CAMK1D: variants seen among roughly 807,000 people sequenced by gnomAD.
The protein encoded by CAMK1D is calcium/calmodulin-dependent protein kinase type 1D.
In CAMK1D, 9 loss-of-function variants were observed where a neutral mutation model predicts 47.7. The observed-to-expected ratio is 0.19, with a 90% CI of 0.11 to 0.33. The LOEUF (loss-of-function observed/expected upper bound fraction) is 0.33, where lower values mean the gene tolerates loss of function less well. Ranked by LOEUF, CAMK1D falls within the 10% of genes least tolerant of loss-of-function variation. The pLI is 1.00. For synonymous variants in CAMK1D, 184 were observed against 184.9 expected (o/e 0.99, Z 0.04); for missense variants, 291 against 488.7 (o/e 0.60, Z 3.81).
chr10:12,476,066 G>C (rs558501847), intron 1 of CAMK1D, among the ~76,000 whole-genome samples: 2 of 152,126 alleles, frequency 1.3e-5, no homozygotes, highest in Non-Finnish European at 2.9e-5. Flanking sequence ...GCCGAGGGGG[G>C]GCGGATCACG....
intron 2 of CAMK1D, among the ~76,000 whole-genome samples, chr10:12,655,499 C>G (rs979457895): frequency 7.2e-5 from 11 of 152,172 alleles, no homozygotes; most frequent in African/African-American, 2.7e-4. Flanking sequence ...ATCTTAGAAC[C>G]TTTTTTCATT....
rs549833661 is a variant in CAMK1D at position 12,588,819 on chromosome 10, T to C, written c.224+35463T>C. Among the ~76,000 whole-genome samples the C allele has an allele frequency of 3.9e-3, 586 of 150,768 alleles. 5 individuals carry two copies. Among genetic ancestry groups the C allele is most frequent in the African/African-American group, 0.013 (519 of 40,752 alleles). On this transcript the variant is annotated intron_variant, in intron 2 of 10. Transcript: ENST00000619168. Reference sequence around the variant, plus strand: ...ACACACACACACACACATACACACATGCACATACATATATATGTGCTTGTA... The same window carrying C: ...ACACACACACACACACATACACACACGCACATACATATATATGTGCTTGTA...
At chr10:12,666,696 A>G (rs765008535) in intron 2 of CAMK1D, 40 bp from the exon 3 acceptor site, 3 of 1,487,454 alleles carry the variant, frequency 2.0e-6, no homozygotes, top group Non-Finnish European at 2.8e-6. Flanking sequence ...TTTCCTATCT[A>G]ATCATACTCA....
At chr10:12,657,437 A>C (rs1419713616) in intron 2 of CAMK1D, among the ~76,000 whole-genome samples, 1 of 151,646 alleles carries the variant, frequency 6.6e-6, no homozygotes, top group Non-Finnish European at 1.5e-5. Flanking sequence ...AAAATAAATA[A>C]ATAAATAAAT....
chr10:12,494,491 C>T (rs11257830), intron 1 of CAMK1D, among the ~76,000 whole-genome samples: 6,725 of 152,232 alleles, frequency 0.044, 456 homozygotes, highest in East Asian at 0.34. Flanking sequence ...CCCAACCCTG[C>T]ATTTCAGTTT....
At chr10:12,531,345 A>T (rs973205248) in intron 1 of CAMK1D, among the ~76,000 whole-genome samples, 5 of 152,198 alleles carry the variant, frequency 3.3e-5, no homozygotes, top group African/African-American at 1.2e-4. Context: ...CCCAGAGTGC[A>T]TTCATCCCCC....
chr10:12,495,313 T>C (rs1306636859), intron 1 of CAMK1D, among the ~76,000 whole-genome samples: 1 of 152,114 alleles, frequency 6.6e-6, no homozygotes, highest in African/African-American at 2.4e-5. Context: ...TTCTAATGAG[T>C]GTGTGTGCAA....
At chr10:12,355,692 C>T (rs1837490053) in intron 1 of CAMK1D, among the ~76,000 whole-genome samples, 1 of 152,136 alleles carries the variant, frequency 6.6e-6, no homozygotes. Flanking sequence ...CTGCAGTCTT[C>T]TTTAGATGTT....
chr10:12,716,534 G>A (rs1331493007), intron 3 of CAMK1D, among the ~76,000 whole-genome samples: 1 of 152,114 alleles, frequency 6.6e-6, no homozygotes, highest in African/African-American at 2.4e-5. Flanking sequence ...GAATGAAAAT[G>A]CATTTGGTTC....
At chr10:12,729,346 T>A (rs1017898782) in intron 3 of CAMK1D, among the ~76,000 whole-genome samples, 1 of 152,214 alleles carries the variant, frequency 6.6e-6, no homozygotes, top group African/African-American at 2.4e-5. Flanking sequence ...TAGAACAGAT[T>A]AAAGTGGGAC....
intron 1 of CAMK1D, among the ~76,000 whole-genome samples, chr10:12,487,252 T>G (rs1213592049): frequency 6.6e-6 from 1 of 152,166 alleles, no homozygotes; most frequent in Non-Finnish European, 1.5e-5. Context: ...GGAGCTAAAT[T>G]TTTTCATTAA....
At chr10:12,368,965 G>T (rs1436223623) in intron 1 of CAMK1D, among the ~76,000 whole-genome samples, 1 of 152,020 alleles carries the variant, frequency 6.6e-6, no homozygotes, top group Non-Finnish European at 1.5e-5. Flanking sequence ...CTACAGGCAT[G>T]CACCACCAAG....
chr10:12,758,874 C>T (rs369488506), intron 3 of CAMK1D, among the ~76,000 whole-genome samples: 57 of 151,974 alleles, frequency 3.8e-4, no homozygotes, highest in African/African-American at 1.3e-3. Flanking sequence ...CAGTGAGAAG[C>T]AAGCCCTGGA....
At chr10:12,623,014 C>G (rs935092753) in intron 2 of CAMK1D, among the ~76,000 whole-genome samples, 1 of 150,632 alleles carries the variant, frequency 6.6e-6, no homozygotes, top group Non-Finnish European at 1.5e-5. Context: ...GTCATCTCAT[C>G]TCTCCCATCT....
intron 1 of CAMK1D, among the ~76,000 whole-genome samples, chr10:12,441,610 C>T (rs994358597): frequency 6.6e-5 from 10 of 150,770 alleles, no homozygotes; most frequent in South Asian, 2.1e-4. Flanking sequence ...GCCAGGAGTT[C>T]GAGACCAGCC....
chr10:12,815,484 G>A (rs1832756781), intron 7 of CAMK1D, among the ~76,000 whole-genome samples: 2 of 152,230 alleles, frequency 1.3e-5, no homozygotes, highest in African/African-American at 4.8e-5. Context: ...AGTTGTACAA[G>A]GCTCGCGGGA....
rs113678846 is a variant in CAMK1D at position 12,524,200 on chromosome 10, C to T, written c.93-29025C>T. On this transcript the variant is annotated intron_variant, in intron 1 of 10. Transcript: ENST00000619168. ...CAGGATGGTCTTGATCTCCTGAGAT[C>T]GTAATCCGCCCATCTCAGCCTCCCA... Among the ~76,000 whole-genome samples, 1,134 of 151,762 alleles carry T rather than the reference C, an allele frequency of 7.5e-3. 14 individuals are homozygous for T. The highest frequency in any genetic ancestry group is 0.026 in the African/African-American group (1,081 of 41,390).
At chr10:12,775,013 G>T (rs1443443706) in intron 5 of CAMK1D, among the ~76,000 whole-genome samples, 1 of 151,378 alleles carries the variant, frequency 6.6e-6, no homozygotes, top group Non-Finnish European at 1.5e-5. Context: ...ATGTGAGAAG[G>T]CTCAGGCATT....
intron 3 of CAMK1D, among the ~76,000 whole-genome samples, chr10:12,692,952 G>T (rs1474402313): frequency 6.6e-6 from 1 of 152,200 alleles, no homozygotes; most frequent in African/African-American, 2.4e-5. Context: ...GTGCCCGCTT[G>T]TTGGGTCAAA....
Sources: allele counts gnomAD v4.1 joint callset (sites outside exome capture counted in the v4.1 genomes callset), GRCh38; gene constraint gnomAD v4.1.1; transcripts MANE v1.5; gene names NCBI Gene and HGNC (gene_info 2026-07-23, HGNC 2026-07-21).